NPM1: variants seen among roughly 807,000 people sequenced by gnomAD.
NPM1 encodes the protein nucleophosmin 1, also known as nucleophosmin.
A neutral mutation model predicts 44.1 loss-of-function variants in NPM1; 1 was observed. The observed-to-expected ratio is 0.02, with a 90% CI of 0.01 to 0.11. NPM1 has a LOEUF of 0.11. Among genes scored for constraint, NPM1 ranks in the 10% least tolerant of loss-of-function variants. The pLI is 1.00. For synonymous variants in NPM1, 126 were observed against 111.8 expected (o/e 1.13, Z -0.80); for missense variants, 197 against 347.8 (o/e 0.57, Z 3.45).
chr5:171,406,816 A>C, intron 9 of NPM1: 1 of 613,878 alleles, frequency 1.6e-6, no homozygotes, highest in Non-Finnish European at 2.1e-6. Context: ...TCTTAATGCT[A>C]TACCTGATTC....
chr5:171,388,510 C>T (rs550909487), intron 1 of NPM1, among the ~76,000 whole-genome samples: 1 of 148,910 alleles, frequency 6.7e-6, no homozygotes, highest in African/African-American at 2.5e-5. Context: ...ACCTCGCGTG[C>T]TTCGGCCAGT....
intron 6 of NPM1, among the ~76,000 whole-genome samples, chr5:171,395,827 C>T (rs1770851452): frequency 6.6e-6 from 1 of 152,052 alleles, no homozygotes; most frequent in African/African-American, 2.4e-5. Context: ...TCAGATGACT[C>T]TTGATTTAAG....
chr5:171,393,161 AG>A (rs1265820561), intron 6 of NPM1, among the ~76,000 whole-genome samples, 183 bp downstream of exon 6: 1 of 152,228 alleles, frequency 6.6e-6, no homozygotes, highest in Non-Finnish European at 1.5e-5. Flanking sequence ...CTGAGTTGAA[AG>A]GATATTGGGT....
chr5:171,403,674 G>C (rs1347579165), intron 8 of NPM1, among the ~76,000 whole-genome samples: 1 of 145,610 alleles, frequency 6.9e-6, no homozygotes, highest in African/African-American at 2.5e-5. Context: ...GGGGCGGCTG[G>C]CCAGGCGGGG....
At position 171,410,839 on chromosome 5, in the gene NPM1, G is replaced by C. The variant is rs139047811; in HGVS notation, c.*274G>C. On this transcript the variant is annotated 3_prime_UTR_variant, in exon 11 of 11. Transcript: ENST00000296930. ...TGGTCAGACATGGAAATGGTGGGGA[G>C]ACAAAAATATACATGTGAAATAAAA... 670 of 324,352 alleles carry C rather than the reference G, an allele frequency of 2.1e-3. 4 individuals carry two copies. Among genetic ancestry groups the C allele is most frequent in the Middle Eastern group, 5.7e-3 (7 of 1,220 alleles). The allele number at this position is 324,352 out of a possible 1,614,324, so 20.1% of individuals were successfully genotyped here. A position where few individuals can be genotyped will look rare whatever the true frequency, so the allele number is the denominator to read the frequency against.
At chr5:171,405,742 C>T (rs899520445) in intron 9 of NPM1, 13 of 246,862 alleles carry the variant, frequency 5.3e-5, no homozygotes, top group South Asian at 3.3e-4. Context: ...CAACAGAGGG[C>T]GTATGAGACT....
At chr5:171,404,095 C>A (rs775466855) in intron 8 of NPM1, among the ~76,000 whole-genome samples, 1,478 of 73,220 alleles carry the variant, frequency 0.02, 138 homozygotes, top group Non-Finnish European at 0.027. Flanking sequence ...CTGACCCCCC[C>A]ACCTCCCTCC....
chr5:171,390,264 T>TGTAC, intron 2 of NPM1, 134 bp downstream of exon 2: 1 of 528,376 alleles, frequency 1.9e-6, no homozygotes. Context: ...GGGTATTGTG[T>TGTAC]GTACCTCACT....
rs73803327 is a variant in NPM1, at chr5:171,405,288, C to T, written c.670-14C>T. On this transcript the variant is annotated splice_polypyrimidine_tract_variant and intron_variant, in intron 8 of 10. Coordinates refer to ENST00000296930, the MANE Select transcript of NPM1 (RefSeq NM_002520.7). The stretch of plus-strand genomic sequence containing the variant: ...TTATTCTTATGACCTTTTGGAAATT[C>T]ATTTCTTTTTCAGGGACAAGAATCC... The T allele has an allele frequency of 1.5e-3, 1,932 of 1,323,134 alleles. 19 individuals are homozygous for T. The African/African-American group carries it at 0.024, about 16-fold the overall frequency. The allele number at this position is 1,323,134 out of a possible 1,614,324, so 82.0% of individuals were successfully genotyped here. A position where few individuals can be genotyped will look rare whatever the true frequency, so the allele number is the denominator to read the frequency against.
chr5:171,395,318 TC>T (rs1770824919), intron 6 of NPM1, among the ~76,000 whole-genome samples: 1 of 152,034 alleles, frequency 6.6e-6, no homozygotes, highest in Non-Finnish European at 1.5e-5. Context: ...TTTTTTTTTT[TC>T]GGCAAGTCTC....
chr5:171,409,225 T>C (rs1031541369), intron 10 of NPM1, among the ~76,000 whole-genome samples: 5 of 152,204 alleles, frequency 3.3e-5, no homozygotes, highest in Admixed American at 6.5e-5. Context: ...TTACAGAGAT[T>C]ATCAAAACTA....
chr5:171,394,030 G>GTTTT (rs749356698), intron 6 of NPM1, among the ~76,000 whole-genome samples: 1 of 136,768 alleles, frequency 7.3e-6, no homozygotes, highest in African/African-American at 2.7e-5. Flanking sequence ...GACTGTTGCT[G>GTTTT]TTTTTGTTTT....
chr5:171,395,491 G>T (rs1482090974), intron 6 of NPM1, among the ~76,000 whole-genome samples: 2 of 152,060 alleles, frequency 1.3e-5, no homozygotes, highest in African/African-American at 2.4e-5. Context: ...GTAGAGACGG[G>T]GTTTCACCAT....
In NPM1 at chr5:171,404,698, G is replaced by A. The variant is rs1240391252; in HGVS notation, c.670-604G>A. Among the ~76,000 whole-genome samples the A allele has an allele frequency of 2.8e-5, 4 of 143,880 alleles. No homozygotes were observed. In the East Asian group the frequency reaches 6.2e-4, roughly 22 times the overall value. 94.4% of individuals were successfully genotyped at this position (143,880 alleles called of 152,430 possible). A position where few individuals can be genotyped will look rare whatever the true frequency, so the allele number is the denominator to read the frequency against. ...CTCCTCACATTCCAGACGATGGGCG[G>A]CCAGGCAGAGACACTCCTCACTTCC... On this transcript the variant is annotated intron_variant, in intron 8 of 10. Transcript: ENST00000296930.
At chr5:171,404,978 C>T (rs1238155772) in intron 8 of NPM1, among the ~76,000 whole-genome samples, 1 of 152,068 alleles carries the variant, frequency 6.6e-6, no homozygotes, top group African/African-American at 2.4e-5. Flanking sequence ...CCTACTCTTG[C>T]CCAGGTTGAA....
At chr5:171,388,078 G>GGGTGTGGGGGGGC in intron 1 of NPM1, 72 bp downstream of exon 1, 1 of 616,752 alleles carries the variant, frequency 1.6e-6, no homozygotes, top group Non-Finnish European at 3.0e-6. Flanking sequence ...TGAGGGGCGG[G>GGGTGTGGGGGGGC]AATCCGGCTG....
intron 2 of NPM1, 59 bp from the exon 3 acceptor site, chr5:171,391,246 G>C (rs2113166650): frequency 6.3e-7 from 1 of 1,583,386 alleles, no homozygotes; most frequent in South Asian, 1.2e-5. Context: ...ACATTTAGTG[G>C]GGGGGTGTAA....
intron 8 of NPM1, among the ~76,000 whole-genome samples, chr5:171,405,038 A>ATT: frequency 6.6e-6 from 1 of 152,248 alleles, no homozygotes; most frequent in Admixed American, 6.5e-5. Context: ...GCTGGGCTTA[A>ATT]GCAATCCTCC....
intron 8 of NPM1, among the ~76,000 whole-genome samples, chr5:171,402,882 C>T (rs1484553020): frequency 1.3e-5 from 2 of 148,894 alleles, no homozygotes; most frequent in Non-Finnish European, 3.0e-5. Flanking sequence ...GCCATGCTTC[C>T]TATACAGCCT....
Sources: allele counts gnomAD v4.1 joint callset (sites outside exome capture counted in the v4.1 genomes callset), GRCh38; gene constraint gnomAD v4.1.1; transcripts MANE v1.5; gene names NCBI Gene and HGNC (gene_info 2026-07-23, HGNC 2026-07-21).